LRP1: variants seen among roughly 807,000 people sequenced by gnomAD.
LRP1 encodes the protein prolow-density lipoprotein receptor-related protein 1.
A neutral mutation model predicts 541.5 loss-of-function variants in LRP1; 51 were observed. The ratio of observed to expected loss-of-function variants is 0.09; its 90% CI spans 0.08 to 0.12. The LOEUF (loss-of-function observed/expected upper bound fraction) is 0.12, where lower values mean the gene tolerates loss of function less well. Ranked by LOEUF, LRP1 falls within the 10% of genes least tolerant of loss-of-function variation. The probability of loss-of-function intolerance (pLI) is 1.00; values close to 1 mark genes in which losing one functional copy is unlikely to be tolerated. For synonymous variants in LRP1, 2,219 were observed against 2,470.8 expected (o/e 0.90, Z 3.02); for missense variants, 3,878 against 6,376.2 (o/e 0.61, Z 13.34).
chr12:57,131,409 T>C (rs1469973242), intron 1 of LRP1, among the ~76,000 whole-genome samples: 1 of 152,116 alleles, frequency 6.6e-6, no homozygotes, highest in African/African-American at 2.4e-5. Flanking sequence ...CATTTTCTAG[T>C]GGGGAGGGCA....
intron 6 of LRP1, chr12:57,147,466 A>C (rs1223398137): frequency 6.6e-6 from 1 of 152,106 alleles, no homozygotes; most frequent in Non-Finnish European, 1.5e-5. Flanking sequence ...GCCTGTAATT[A>C]GCTCCCCAAG....
intron 33 of LRP1, 126 bp downstream of exon 33, chr12:57,180,933 C>A (rs953879368): frequency 8.8e-6 from 12 of 1,356,788 alleles, no homozygotes; most frequent in Non-Finnish European, 9.1e-6. Flanking sequence ...CCCAAAGGGG[C>A]TCCTTGTTTC....
chr12:57,183,680 A>C lies in LRP1; in HGVS notation c.5795-95A>C, dbSNP rs2036211363. The C allele has an allele frequency of 6.5e-7, 1 of 1,550,288 alleles. No individual in the cohort carries two copies. The highest frequency in any genetic ancestry group is 2.3e-5 in the East Asian group (1 of 44,262). ...CCTTCAAGCACCTGGCCCCTCCGGCACTCTCTCACCTCTGTCTTGAGCCTT... is the reference window on the plus strand; with the variant it reads ...CCTTCAAGCACCTGGCCCCTCCGGCCCTCTCTCACCTCTGTCTTGAGCCTT... On this transcript the variant is annotated intron_variant, in intron 35 of 88. Transcript: ENST00000243077. This position sits in a 1 kb window ranked among gnomAD's most constrained non-coding sequence, Gnocchi z 6.1.
Position 57,183,263 on chromosome 12 carries a change from A to G in LRP1, c.5663-116A>G. On this transcript the variant is annotated intron_variant, in intron 34 of 88. Coordinates refer to ENST00000243077, the MANE Select transcript of LRP1 (RefSeq NM_002332.3). The surrounding 1 kb of genome is among the most constrained non-coding windows in gnomAD (Gnocchi z 6.1). ...TGTGTGTGCTGGGTGGAGGATAGGG[A>G]TGATGGTGGGGGGGGATGATATCAA... 1 of 1,164,696 alleles carries G rather than the reference A, an allele frequency of 8.6e-7. No individual in the cohort carries two copies. Among genetic ancestry groups the G allele is most frequent in the Non-Finnish European group, 1.2e-6 (1 of 811,382 alleles). 72.1% of individuals were successfully genotyped at this position (1,164,696 alleles called of 1,614,324 possible). A position where few individuals can be genotyped will look rare whatever the true frequency, so the allele number is the denominator to read the frequency against.
At chr12:57,176,701 T>A (rs2036053797) in intron 24 of LRP1, among the ~76,000 whole-genome samples, 1 of 152,218 alleles carries the variant, frequency 6.6e-6, no homozygotes, top group South Asian at 2.1e-4. Context: ...TAAACTGTGA[T>A]GATATCCACA....
At chr12:57,148,408 T>C (rs1253128902) in intron 6 of LRP1, among the ~76,000 whole-genome samples, 1 of 152,138 alleles carries the variant, frequency 6.6e-6, no homozygotes, top group African/African-American at 2.4e-5. Flanking sequence ...TCAACAGGCC[T>C]GATAGTCCCT....
Position 57,190,804 on chromosome 12 carries a change from G to C in LRP1, c.7032-1G>C. ...CTGATCTCTGGACCCTCTTCCCCCAGCCTCATGTTCTGGACCAACTGGAAT... is the reference window on the plus strand; with the variant it reads ...CTGATCTCTGGACCCTCTTCCCCCACCCTCATGTTCTGGACCAACTGGAAT... On this transcript the variant is annotated splice_acceptor_variant, in intron 42 of 88. Coordinates refer to ENST00000243077, the MANE Select transcript of LRP1 (RefSeq NM_002332.3). LOFTEE classifies it high-confidence loss of function. The C allele has an allele frequency of 6.2e-7, 1 of 1,613,560 alleles. No homozygotes were observed. The highest frequency in any genetic ancestry group is 8.5e-7 in the Non-Finnish European group (1 of 1,179,888).
chr12:57,190,663 G>A, intron 42 of LRP1, 142 bp from the exon 43 acceptor site: 1 of 671,266 alleles, frequency 1.5e-6, no homozygotes, highest in Non-Finnish European at 2.6e-6. Context: ...CCTGGGCATT[G>A]GGGCACTGCT....
At position 57,129,094 on chromosome 12, in the gene LRP1, T is replaced by A. The variant is rs59902070; in HGVS notation, c.67+63T>A. 8.2e-4 allele frequency: 1,215 copies of A among 1,480,406 alleles called. 8 individuals are homozygous for A. In the African/African-American group the frequency reaches 0.015, roughly 18 times the overall value. The allele number at this position is 1,480,406 out of a possible 1,614,324, so 91.7% of individuals were successfully genotyped here. On this transcript the variant is annotated intron_variant, in intron 1 of 88. Coordinates refer to ENST00000243077, the MANE Select transcript of LRP1 (RefSeq NM_002332.3). ...GCACCCTCTCCCCAGCCCCCACTCCTGCATACGGATGGGGAAGGGAGACGC... is the reference window on the plus strand; with the variant it reads ...GCACCCTCTCCCCAGCCCCCACTCCAGCATACGGATGGGGAAGGGAGACGC...
intron 81 of LRP1, 28 bp downstream of exon 81, chr12:57,210,197 C>T (rs1445901080): frequency 3.8e-6 from 6 of 1,572,040 alleles, no homozygotes; most frequent in Non-Finnish European, 5.2e-6. Context: ...CAGTCCCAGC[C>T]ATGCCTCAGG....
chr12:57,149,240 T>C (rs1027036996), intron 6 of LRP1: 2 of 438,836 alleles, frequency 4.6e-6, no homozygotes, highest in Non-Finnish European at 8.0e-6. Flanking sequence ...CCAGGCTGTT[T>C]GGGGAGGGGT....
chr12:57,183,347 A>C lies in LRP1; in HGVS notation c.5663-32A>C. ...AACCAAGTTTAAGGGAGTGTTGGCG[A>C]TACCCATGCCTTAAGTTTCCTTGTC... On this transcript the variant is annotated intron_variant, in intron 34 of 88. Transcript: ENST00000243077. The surrounding 1 kb of genome is among the most constrained non-coding windows in gnomAD (Gnocchi z 6.1). 1.3e-6 allele frequency: 2 copies of C among 1,587,516 alleles called. No homozygotes were observed. Among genetic ancestry groups the C allele is most frequent in the Non-Finnish European group, 1.7e-6 (2 of 1,159,946 alleles).
In LRP1 at chr12:57,210,294, G is replaced by A. The variant is rs753939096; in HGVS notation, c.12581-13G>A. 4 of 1,549,298 alleles carry A rather than the reference G, an allele frequency of 2.6e-6. No individual in the cohort carries two copies. Among genetic ancestry groups the A allele is most frequent in the Non-Finnish European group, 3.5e-6 (4 of 1,143,934 alleles). On this transcript the variant is annotated splice_polypyrimidine_tract_variant and intron_variant, in intron 81 of 88. Transcript: ENST00000243077. ...TTCCCCTGGCTCTGCCCCTTGACGG[G>A]CCCTTCCTGCAGCTCCCCGGCCTGG... is the stretch of plus-strand genomic sequence containing the variant.
intron 20 of LRP1, among the ~76,000 whole-genome samples, chr12:57,170,104 C>A (rs2035917129): frequency 1.3e-5 from 2 of 152,206 alleles, no homozygotes; most frequent in South Asian, 2.1e-4. Context: ...CTTTGCAGCT[C>A]CTTGGCTTGT....
At chr12:57,187,223 C>T (rs770901317) in intron 41 of LRP1, 44 bp from the exon 42 acceptor site, 9 of 1,581,966 alleles carry the variant, frequency 5.7e-6, no homozygotes, top group African/African-American at 1.3e-5. Flanking sequence ...TGCAGGCTGC[C>T]CTCTGGGCCC....
At chr12:57,148,952 C>T (rs533134145) in intron 6 of LRP1, 1 of 594,680 alleles carries the variant, frequency 1.7e-6, no homozygotes, top group South Asian at 2.0e-5. Context: ...CCCTTCCTCT[C>T]CCTTTCTTTT....
intron 2 of LRP1, among the ~76,000 whole-genome samples, chr12:57,140,682 T>C (rs577584475): frequency 1.3e-5 from 2 of 152,346 alleles, no homozygotes; most frequent in South Asian, 4.1e-4. Flanking sequence ...TTCTTTATCA[T>C]TGGAGTTTCT....
At chr12:57,175,813 C>T (rs1565733938) in intron 23 of LRP1, 96 bp from the exon 24 acceptor site, 8 of 1,567,098 alleles carry the variant, frequency 5.1e-6, no homozygotes, top group South Asian at 1.2e-5. Context: ...ACCCTAGCCC[C>T]CAGTGCCCGG....
At chr12:57,191,929 A>ACCACACACACTACACACC (rs1211631813) in intron 44 of LRP1, among the ~76,000 whole-genome samples, 770 of 22,292 alleles carry the variant, frequency 0.035, 197 homozygotes, top group East Asian at 0.062. Flanking sequence ...CACTACACAT[A>ACCACACACACTACACACC]CCACACACAC....
Sources: gnomAD v4.1 joint callset for allele counts (sites outside exome capture counted in the v4.1 genomes callset) on GRCh38, gnomAD v4.1.1 for gene constraint, Gnocchi (gnomAD v3.1) non-coding constraint, MANE v1.5 for transcripts, NCBI Gene and HGNC (gene_info 2026-07-23, HGNC 2026-07-21) for gene names.